The following ZFHX3 variants were observed in gnomAD, a reference collection of about 807,000 sequenced individuals.
ZFHX3 encodes zinc finger homeobox protein 3.
A neutral mutation model predicts 279.1 loss-of-function variants in ZFHX3; 42 were observed. The ratio of observed to expected loss-of-function variants is 0.15; its 90% CI spans 0.12 to 0.19. ZFHX3 has a LOEUF of 0.19. Ranked by LOEUF, ZFHX3 falls within the 10% of genes least tolerant of loss-of-function variation. ZFHX3 has a pLI of 1.00. For missense variants in ZFHX3, 4,981 were observed against 4,754.0 expected, an observed-to-expected ratio of 1.05 and a Z score of -1.40; for synonymous variants, 2,293 against 1,957.8, an observed-to-expected ratio of 1.17 and a Z score of -4.52.
intron 2 of ZFHX3, among the ~76,000 whole-genome samples, chr16:73,573,832 C>A (rs925336972): frequency 6.6e-6 from 1 of 152,220 alleles, no homozygotes; most frequent in Non-Finnish European, 1.5e-5. Flanking sequence ...AGTATAAATG[C>A]GTATATGTGT....
At chr16:73,554,951 C>G (rs2020252925) in intron 2 of ZFHX3, 1 of 152,384 alleles carries the variant, frequency 6.6e-6, no homozygotes, top group Middle Eastern at 3.4e-3. Context: ...GTTAGCTAGA[C>G]GACTATCACG....
chr16:73,535,868 G>A lies in ZFHX3; in HGVS notation c.-1546-79610C>T, dbSNP rs370502845. On this transcript the variant is annotated intron_variant, in intron 2 of 17. Transcript: ENST00000641206. ...CTCCTGAGCAGCTGGGACTACAGGC[G>A]CTCCCCACTATGCCCGGCTAATTTT... 2.0e-4 allele frequency among the ~76,000 whole-genome samples: 30 copies of A among 151,752 alleles called. No individual in the cohort carries two copies. In the South Asian group the frequency reaches 5.4e-3, roughly 27 times the overall value.
intron 2 of ZFHX3, among the ~76,000 whole-genome samples, chr16:73,575,802 G>A (rs1446392537): frequency 6.6e-6 from 1 of 152,124 alleles, no homozygotes; most frequent in Non-Finnish European, 1.5e-5. Flanking sequence ...AGAGAGCTGT[G>A]TGACCTGGGG....
rs151250068 is a variant in ZFHX3 at position 72,896,195 on chromosome 16, C to A, written c.3217-6233G>T. Among the ~76,000 whole-genome samples the A allele has an allele frequency of 7.6e-4, 116 of 152,272 alleles. 1 individual carries two copies. Among genetic ancestry groups the A allele is most frequent in the African/African-American group, 2.7e-3 (114 of 41,550 alleles). On this transcript the variant is annotated intron_variant, in intron 3 of 9. Transcript: ENST00000268489. ...GGGGGTCAACAGCTACGGCTGGAAACGAAGCCAGGGTTCATACGAGGGCTC... is the reference window on the plus strand; with the variant it reads ...GGGGGTCAACAGCTACGGCTGGAAAAGAAGCCAGGGTTCATACGAGGGCTC...
intron 5 of ZFHX3, among the ~76,000 whole-genome samples, chr16:73,242,552 A>G (rs2144945561): frequency 6.6e-6 from 1 of 152,376 alleles, no homozygotes; most frequent in South Asian, 2.1e-4. Context: ...TGTAAGACAA[A>G]GCAAAACGGA....
At chr16:73,527,186 G>A (rs542598755) in intron 2 of ZFHX3, among the ~76,000 whole-genome samples, 1 of 151,976 alleles carries the variant, frequency 6.6e-6, no homozygotes, top group Non-Finnish European at 1.5e-5. Flanking sequence ...TAGTTTTTTT[G>A]ATTTCCCAGA....
At chr16:73,092,731 A>G (rs1355851857) in intron 8 of ZFHX3, 3 of 342,436 alleles carry the variant, frequency 8.8e-6, no homozygotes, top group East Asian at 1.5e-4. Context: ...GAGCGCTTAT[A>G]TGGGCTTCAT....
At chr16:73,587,354 G>C (rs928206642) in intron 2 of ZFHX3, among the ~76,000 whole-genome samples, 1 of 152,184 alleles carries the variant, frequency 6.6e-6, no homozygotes, top group Non-Finnish European at 1.5e-5. Flanking sequence ...ACCATAACTA[G>C]TGACAAAAAT....
chr16:72,845,993 A>G (rs1014593591), intron 4 of ZFHX3, among the ~76,000 whole-genome samples: 2 of 152,112 alleles, frequency 1.3e-5, no homozygotes, highest in Admixed American at 1.3e-4. Flanking sequence ...GAGAACACAC[A>G]CTTGTGCTTG....
chr16:73,113,687 G>A (rs1004405558), intron 7 of ZFHX3, among the ~76,000 whole-genome samples: 2 of 152,008 alleles, frequency 1.3e-5, no homozygotes, highest in African/African-American at 4.8e-5. Flanking sequence ...CACGGATGGC[G>A]GGTCTTGGTT....
At chr16:73,307,302 A>G (rs1044322911) in intron 4 of ZFHX3, among the ~76,000 whole-genome samples, 4 of 152,182 alleles carry the variant, frequency 2.6e-5, no homozygotes, top group African/African-American at 9.7e-5. Flanking sequence ...GGGCTGACCT[A>G]TATTTAGAAA....
chr16:73,442,896 C>T (rs2018118961), intron 3 of ZFHX3, among the ~76,000 whole-genome samples: 1 of 152,194 alleles, frequency 6.6e-6, no homozygotes, highest in Non-Finnish European at 1.5e-5. Context: ...CAGACATGTG[C>T]CACCTAACCC....
chr16:73,777,812 C>T (rs1959309107), intron 1 of ZFHX3, among the ~76,000 whole-genome samples: 1 of 152,108 alleles, frequency 6.6e-6, no homozygotes, highest in Non-Finnish European at 1.5e-5. Flanking sequence ...AGGTTACTGC[C>T]TCAGGTTGCC....
intron 2 of ZFHX3, among the ~76,000 whole-genome samples, chr16:73,657,783 T>C (rs2052737752): frequency 6.6e-6 from 1 of 152,202 alleles, no homozygotes. Flanking sequence ...CAGTACCTCA[T>C]TTCTTTCTAT....
intron 4 of ZFHX3, among the ~76,000 whole-genome samples, chr16:72,845,571 C>T (rs2037457472): frequency 6.6e-6 from 1 of 152,184 alleles, no homozygotes; most frequent in African/African-American, 2.4e-5. Context: ...TGTGTCACGG[C>T]ACCCCCGTCC....
intron 1 of ZFHX3, among the ~76,000 whole-genome samples, chr16:73,019,644 G>A (rs1964230185): frequency 6.6e-6 from 1 of 152,164 alleles, no homozygotes; most frequent in Non-Finnish European, 1.5e-5. Flanking sequence ...GCTCTAAAGG[G>A]CATGAACCTG....
intron 3 of ZFHX3, among the ~76,000 whole-genome samples, chr16:72,942,443 G>A (rs71388950): frequency 6.6e-6 from 1 of 152,168 alleles, no homozygotes; most frequent in Non-Finnish European, 1.5e-5. Context: ...GAAGGTACTG[G>A]AAGTTTGAGG....
chr16:73,522,553 G>A (rs1046812015), intron 2 of ZFHX3, among the ~76,000 whole-genome samples: 1 of 152,122 alleles, frequency 6.6e-6, no homozygotes, highest in African/African-American at 2.4e-5. Flanking sequence ...TTGGGAGAGG[G>A]GAACTTAGTT....
chr16:73,757,869 T>C (rs1222265262), intron 1 of ZFHX3, among the ~76,000 whole-genome samples: 1 of 152,220 alleles, frequency 6.6e-6, no homozygotes, highest in Non-Finnish European at 1.5e-5. Flanking sequence ...TCTGATTTTG[T>C]GACTCACTGG....
Sources: gnomAD v4.1 joint callset for allele counts (sites outside exome capture counted in the v4.1 genomes callset) on GRCh38, gnomAD v4.1.1 for gene constraint, MANE v1.5 for transcripts, NCBI Gene and HGNC (gene_info 2026-07-23, HGNC 2026-07-21) for gene names.